The following EHBP1 variants were observed in gnomAD, a reference collection of about 807,000 sequenced individuals.
EHBP1 encodes EH domain-binding protein 1.
Under a neutral mutation model 144.0 loss-of-function variants are expected in EHBP1, and 55 were observed. The observed-to-expected ratio is 0.38, with a 90% confidence interval of 0.31 to 0.48. The LOEUF (loss-of-function observed/expected upper bound fraction) is 0.48. EHBP1 is among the 20% of genes least tolerant of loss of function. EHBP1 has a pLI of 0.98. For missense variants in EHBP1, 1,200 were observed against 1,364.2 expected (o/e 0.88, Z 1.90); for synonymous variants, 469 against 472.7 (o/e 0.99, Z 0.10).
intron 21 of EHBP1, among the ~76,000 whole-genome samples, chr2:63,042,713 T>C (rs2061719320): frequency 6.6e-6 from 1 of 151,908 alleles, no homozygotes; most frequent in East Asian, 1.9e-4. Context: ...TCCTCTCTTA[T>C]CCATTTTGTT....
intron 9 of EHBP1, 56 bp from the exon 10 acceptor site, chr2:62,874,290 C>T: frequency 1.5e-6 from 2 of 1,327,982 alleles, no homozygotes; most frequent in Non-Finnish European, 2.0e-6. Flanking sequence ...TATTATTTTA[C>T]TTGTAAATGA....
chr2:62,830,195 C>CACATAT (rs1400040654), intron 6 of EHBP1, among the ~76,000 whole-genome samples: 8 of 116,298 alleles, frequency 6.9e-5, no homozygotes, highest in South Asian at 5.3e-4. Context: ...CACACACACA[C>CACATAT]ATATATATAC....
Position 62,948,655 on chromosome 2 carries a change from C to T in EHBP1, c.1809C>T (p.Ser603=). The change falls in exon 13 of 23, where the codon AGC becomes AGT. Residue 603 remains serine (S), a synonymous_variant. Transcript: ENST00000431489. The part of the protein sequence containing the change: ...HQTPDDHLSP[S]TASPYCRRTK... ...CTCCTGATGATCACCTTAGTCCAAG[C>T]ACAGCCTCCCCTTACTGTCGCAGGA... 6.2e-7 allele frequency: 1 copy of T among 1,613,976 alleles called. No individual in the cohort carries two copies.
intron 1 of EHBP1, among the ~76,000 whole-genome samples, chr2:62,693,858 A>T (rs1430094451): frequency 6.6e-6 from 1 of 152,172 alleles, no homozygotes; most frequent in East Asian, 1.9e-4. Flanking sequence ...CATATGAGTG[A>T]GAACATGTAA....
intron 7 of EHBP1, among the ~76,000 whole-genome samples, chr2:62,850,424 C>T (rs193162491): frequency 1.2e-4 from 19 of 152,040 alleles, no homozygotes; most frequent in South Asian, 4.2e-4. Flanking sequence ...TGGTCAATTT[C>T]GATCTTCTTT....
chr2:63,000,759 T>C (rs1043584358), intron 19 of EHBP1, among the ~76,000 whole-genome samples: 1 of 152,146 alleles, frequency 6.6e-6, no homozygotes, highest in African/African-American at 2.4e-5. Flanking sequence ...CCATTTTACC[T>C]TGGGGTCTAT....
chr2:62,747,524 G>A, intron 3 of EHBP1, 72 bp downstream of exon 3: 1 of 1,165,740 alleles, frequency 8.6e-7, no homozygotes, highest in Non-Finnish European at 1.2e-6. Context: ...TTCCAGTGTA[G>A]AATATTTTAA....
intron 7 of EHBP1, among the ~76,000 whole-genome samples, chr2:62,857,414 T>G (rs1444425386): frequency 6.6e-6 from 1 of 152,216 alleles, no homozygotes; most frequent in Non-Finnish European, 1.5e-5. Context: ...ACATGAATAG[T>G]TGCAGGCAGC....
intron 7 of EHBP1, among the ~76,000 whole-genome samples, chr2:62,846,411 A>C (rs752043808): frequency 1.3e-4 from 20 of 152,330 alleles, no homozygotes; most frequent in Non-Finnish European, 2.5e-4. Flanking sequence ...TTATATAGTC[A>C]ATTCAACAGA....
intron 5 of EHBP1, among the ~76,000 whole-genome samples, chr2:62,825,665 G>A (rs1052728058): frequency 1.3e-5 from 2 of 151,106 alleles, no homozygotes; most frequent in African/African-American, 2.4e-5. Context: ...ATAAATAATC[G>A]TAGGCGTTTA....
chr2:62,810,142 A>G (rs987336100), intron 5 of EHBP1, among the ~76,000 whole-genome samples: 1 of 152,240 alleles, frequency 6.6e-6, no homozygotes, highest in African/African-American at 2.4e-5. Context: ...AAATATGTAC[A>G]GTGGTATCAA....
intron 21 of EHBP1, among the ~76,000 whole-genome samples, chr2:63,039,636 G>A (rs988180165): frequency 6.6e-6 from 1 of 151,958 alleles, no homozygotes; most frequent in Non-Finnish European, 1.5e-5. Flanking sequence ...CACCTGATAA[G>A]GTACCTGATC....
intron 19 of EHBP1, among the ~76,000 whole-genome samples, chr2:63,022,506 G>A (rs984062161): frequency 6.6e-6 from 1 of 151,912 alleles, no homozygotes; most frequent in South Asian, 2.1e-4. Flanking sequence ...GTAGAGATGG[G>A]GTTTCACCAT....
At chr2:62,754,164 G>C (rs1349621845) in intron 3 of EHBP1, among the ~76,000 whole-genome samples, 2 of 152,136 alleles carry the variant, frequency 1.3e-5, no homozygotes, top group African/African-American at 2.4e-5. Context: ...CATACAGATG[G>C]GGTTTTGTTG....
intron 14 of EHBP1, chr2:62,955,932 T>G (rs1223928899): frequency 1.5e-5 from 4 of 271,590 alleles, no homozygotes; most frequent in African/African-American, 6.6e-5. Context: ...TTAATTTATA[T>G]TTTATAACTG....
intron 10 of EHBP1, among the ~76,000 whole-genome samples, chr2:62,902,534 G>C (rs1467893903): frequency 6.6e-6 from 1 of 151,592 alleles, no homozygotes; most frequent in Non-Finnish European, 1.5e-5. Context: ...ATATATACAT[G>C]CATTTTCAAA....
intron 7 of EHBP1, among the ~76,000 whole-genome samples, chr2:62,852,693 A>C (rs1381378871): frequency 6.6e-6 from 1 of 152,152 alleles, no homozygotes; most frequent in African/African-American, 2.4e-5. Context: ...CCAACTAGTA[A>C]AGAATGAAAA....
chr2:62,946,246 A>T (rs1051161516), intron 12 of EHBP1, among the ~76,000 whole-genome samples: 1 of 152,216 alleles, frequency 6.6e-6, no homozygotes, highest in Non-Finnish European at 1.5e-5. Flanking sequence ...ACTTCTTTAC[A>T]TTAGCTTTTC....
intron 2 of EHBP1, among the ~76,000 whole-genome samples, chr2:62,725,177 G>A (rs80189022): frequency 5.3e-5 from 8 of 152,174 alleles, no homozygotes; most frequent in Non-Finnish European, 1.2e-4. Context: ...CGGTGGGGGC[G>A]CTCCAAGGTG....
Sources: gnomAD v4.1 joint callset for allele counts (sites outside exome capture counted in the v4.1 genomes callset) on GRCh38, gnomAD v4.1.1 for gene constraint, MANE v1.5 for transcripts, NCBI Gene and HGNC (gene_info 2026-07-23, HGNC 2026-07-21) for gene names.